Variants in MACROD2 observed in about 807,000 individuals in gnomAD.
The protein encoded by MACROD2 is mono-ADP ribosylhydrolase 2.
MACROD2 carries 36 observed loss-of-function variants against 70.4 expected under a neutral mutation model. That is an observed-to-expected ratio of 0.51 (90% CI 0.39 to 0.68). The LOEUF is 0.68. Ranked by LOEUF, MACROD2 falls within the 30% of genes least tolerant of loss-of-function variation. MACROD2 has a pLI of 0.00. For synonymous variants in MACROD2, 172 were observed against 178.8 expected (o/e 0.96, Z 0.30); for missense variants, 496 against 538.4 (o/e 0.92, Z 0.78).
intron 6 of MACROD2, among the ~76,000 whole-genome samples, chr20:15,241,567 A>G (rs1379071464): frequency 2.0e-5 from 3 of 152,110 alleles, no homozygotes; most frequent in Non-Finnish European, 4.4e-5. Context: ...CAAACAGACA[A>G]CTATGTAACC....
chr20:15,282,440 A>C (rs1437036947), intron 6 of MACROD2, among the ~76,000 whole-genome samples: 2 of 152,218 alleles, frequency 1.3e-5, no homozygotes, highest in African/African-American at 4.8e-5. Flanking sequence ...ATAAAACTGA[A>C]TGCTTTTAAG....
chr20:15,147,148 G>A (rs895885474), intron 5 of MACROD2, among the ~76,000 whole-genome samples: 1 of 152,106 alleles, frequency 6.6e-6, no homozygotes, highest in African/African-American at 2.4e-5. Context: ...CTGGGGGCGG[G>A]AGCTCCACAT....
chr20:15,920,476 T>C (rs913234266), intron 10 of MACROD2, among the ~76,000 whole-genome samples: 1 of 152,216 alleles, frequency 6.6e-6, no homozygotes, highest in Non-Finnish European at 1.5e-5. Context: ...TTATACAAAA[T>C]TTCTAGAAGT....
chr20:15,951,786 A>C (rs2065909596), intron 12 of MACROD2, among the ~76,000 whole-genome samples: 1 of 152,188 alleles, frequency 6.6e-6, no homozygotes, highest in South Asian at 2.1e-4. Context: ...AAAGCATGTA[A>C]ACCCATTACA....
At chr20:14,903,505 T>G (rs1272733114) in intron 5 of MACROD2, among the ~76,000 whole-genome samples, 2 of 152,142 alleles carry the variant, frequency 1.3e-5, no homozygotes, top group Admixed American at 6.6e-5. Flanking sequence ...GAAATTAATT[T>G]GAATACATAA....
chr20:14,696,902 C>T (rs1568744010), intron 5 of MACROD2, among the ~76,000 whole-genome samples: 1 of 152,110 alleles, frequency 6.6e-6, no homozygotes, highest in Non-Finnish European at 1.5e-5. Context: ...TTTGTTCTTG[C>T]TTTTATGTTA....
chr20:15,704,902 C>G (rs2050511259), intron 8 of MACROD2, among the ~76,000 whole-genome samples: 2 of 152,140 alleles, frequency 1.3e-5, no homozygotes, highest in South Asian at 4.1e-4. Flanking sequence ...TGTTTTACCT[C>G]TTCCAGCCTT....
intron 5 of MACROD2, among the ~76,000 whole-genome samples, chr20:14,914,286 C>T (rs1047431284): frequency 3.3e-5 from 5 of 152,180 alleles, no homozygotes; most frequent in African/African-American, 9.6e-5. Flanking sequence ...TTCTGTTAAG[C>T]GGGAGGGAGG....
At chr20:15,249,804 C>T (rs1212917805) in intron 6 of MACROD2, among the ~76,000 whole-genome samples, 3 of 152,134 alleles carry the variant, frequency 2.0e-5, no homozygotes, top group East Asian at 1.9e-4. Flanking sequence ...GAAACATGGG[C>T]GGCAGGGGCC....
chr20:15,112,981 TTTGTGTG>T (rs2075966401), intron 5 of MACROD2, among the ~76,000 whole-genome samples: 3 of 149,224 alleles, frequency 2.0e-5, no homozygotes, highest in Non-Finnish European at 4.5e-5. Context: ...TGTGTGTGTG[TTTGTGTG>T]TGTATTTATA....
chr20:15,101,982 TAAC>T lies in MACROD2; in HGVS notation c.419-127952_419-127950del, dbSNP rs139924285. On this transcript the variant is annotated intron_variant, in intron 5 of 17. Coordinates refer to ENST00000684519, the MANE Select transcript of MACROD2 (RefSeq NM_001351661.2). ...TAAGTATTAAGAGTCCTAGTAAAAA[TAAC>T]AACAAAATTCATAAACATGCACAAA... is the stretch of plus-strand genomic sequence containing the variant. Among the ~76,000 whole-genome samples, 125 of 152,014 alleles carry T rather than the reference TAAC, an allele frequency of 8.2e-4. 1 individual carries two copies. The highest frequency in any genetic ancestry group is 2.6e-3 in the African/African-American group (109 of 41,508).
At chr20:14,272,608 A>G (rs1428706716) in intron 3 of MACROD2, among the ~76,000 whole-genome samples, 1 of 152,066 alleles carries the variant, frequency 6.6e-6, no homozygotes, top group Non-Finnish European at 1.5e-5. Flanking sequence ...ATAACCAGCT[A>G]ACATCATAAT....
chr20:15,657,469 A>G (rs1173872980), intron 8 of MACROD2, among the ~76,000 whole-genome samples: 1 of 152,176 alleles, frequency 6.6e-6, no homozygotes, highest in African/African-American at 2.4e-5. Context: ...ACCATTTCAG[A>G]CTGGTTAGTT....
intron 8 of MACROD2, among the ~76,000 whole-genome samples, chr20:15,529,293 T>A (rs2047764316): frequency 8.1e-6 from 1 of 123,336 alleles, no homozygotes; most frequent in Non-Finnish European, 1.8e-5. Context: ...TGTGCATGCC[T>A]GTGTGTGTGT....
chr20:15,976,676 C>T (rs186187878), intron 13 of MACROD2, among the ~76,000 whole-genome samples: 93 of 152,204 alleles, frequency 6.1e-4, no homozygotes, highest in African/African-American at 2.0e-3. Context: ...AAGCCTGCCT[C>T]GTTTTCAAAG....
intron 5 of MACROD2, among the ~76,000 whole-genome samples, chr20:15,152,519 G>A (rs2076278460): frequency 6.6e-6 from 1 of 151,916 alleles, no homozygotes; most frequent in Non-Finnish European, 1.5e-5. Flanking sequence ...AGGGATCGGG[G>A]CACAGAGATA....
At chr20:14,527,503 CA>C (rs61323104) in intron 4 of MACROD2, among the ~76,000 whole-genome samples, 23,153 of 151,756 alleles carry the variant, frequency 0.15, 2,531 homozygotes, top group Non-Finnish European at 0.22. Flanking sequence ...ATTATATAGG[CA>C]AAAAAAACCA....
At position 15,171,881 on chromosome 20, in the gene MACROD2, T is replaced by C. The variant is rs1420825822; in HGVS notation, c.419-58059T>C. 5.3e-5 allele frequency among the ~76,000 whole-genome samples: 8 copies of C among 152,206 alleles called. No homozygotes were observed. In the East Asian group the frequency reaches 7.7e-4, roughly 15 times the overall value. ...TTCCCTGAAGACTGGACCAGGTCCCTTTATCAGCAGTGTCTACCCAGCAGC... is the reference window on the plus strand; with the variant it reads ...TTCCCTGAAGACTGGACCAGGTCCCCTTATCAGCAGTGTCTACCCAGCAGC... On this transcript the variant is annotated intron_variant, in intron 5 of 17. Coordinates refer to ENST00000684519, the MANE Select transcript of MACROD2 (RefSeq NM_001351661.2).
At chr20:14,619,378 GGGAA>G (rs1481716099) in intron 4 of MACROD2, among the ~76,000 whole-genome samples, 3 of 105,308 alleles carry the variant, frequency 2.8e-5, no homozygotes, top group Non-Finnish European at 6.1e-5. Context: ...GAGTGAGGGA[GGGAA>G]GGAAGGAAGG....
Sources: gnomAD v4.1 joint callset for allele counts (sites outside exome capture counted in the v4.1 genomes callset) on GRCh38, gnomAD v4.1.1 for gene constraint, MANE v1.5 for transcripts, NCBI Gene and HGNC (gene_info 2026-07-23, HGNC 2026-07-21) for gene names.